ANO3: variants seen among roughly 807,000 people sequenced by gnomAD.
ANO3 encodes the protein anoctamin 3, also known as anoctamin-3.
Under a neutral mutation model 144.8 loss-of-function variants are expected in ANO3, and 99 were observed. The ratio of observed to expected loss-of-function variants is 0.68; its 90% CI spans 0.58 to 0.81. The LOEUF (loss-of-function observed/expected upper bound fraction) is 0.81. ANO3 is among the 30% of genes least tolerant of loss of function. The pLI, the probability that ANO3 is intolerant of heterozygous loss-of-function variation, is 0.00. For synonymous variants in ANO3, 414 were observed against 392.6 expected (o/e 1.05, Z -0.64); for missense variants, 905 against 1,202.2 (o/e 0.75, Z 3.66).
At chr11:26,473,881 A>C in intron 4 of ANO3, 1 of 951,056 alleles carries the variant, frequency 1.1e-6, no homozygotes, top group Non-Finnish European at 1.3e-6. Flanking sequence ...TCTTATAAAG[A>C]GATGAGTTAT....
chr11:26,267,589 A>C (rs1344666673), intron 1 of ANO3, among the ~76,000 whole-genome samples: 1 of 152,208 alleles, frequency 6.6e-6, no homozygotes, highest in Non-Finnish European at 1.5e-5. Flanking sequence ...CTATCAGCTA[A>C]GAGAGTGTGA....
chr11:26,337,370 C>G (rs1855221113), intron 1 of ANO3, among the ~76,000 whole-genome samples: 1 of 152,156 alleles, frequency 6.6e-6, no homozygotes, highest in Non-Finnish European at 1.5e-5. Flanking sequence ...AAAATGAATT[C>G]TATCTGAAGT....
chr11:26,293,533 GTATATATA>G (rs59115569), intron 1 of ANO3, among the ~76,000 whole-genome samples: 2 of 25,952 alleles, frequency 7.7e-5, no homozygotes, highest in African/African-American at 2.7e-4. Context: ...TAAATTCCAT[GTATATATA>G]TATATATATA....
At chr11:26,213,502 A>G (rs1426071575) in intron 1 of ANO3, among the ~76,000 whole-genome samples, 2 of 152,208 alleles carry the variant, frequency 1.3e-5, no homozygotes, top group Non-Finnish European at 2.9e-5. Flanking sequence ...ACAGAGAGCC[A>G]AATCACAAGT....
chr11:26,607,272 C>T (rs1349014622), intron 17 of ANO3, among the ~76,000 whole-genome samples: 2 of 152,138 alleles, frequency 1.3e-5, no homozygotes, highest in East Asian at 3.9e-4. Context: ...TCATTTCGAC[C>T]TTGGAGAATC....
chr11:26,614,674 G>C (rs1852197559), intron 17 of ANO3, among the ~76,000 whole-genome samples: 1 of 152,188 alleles, frequency 6.6e-6, no homozygotes, highest in Non-Finnish European at 1.5e-5. Context: ...GATTGCTGGT[G>C]TTTGTGGTTG....
In ANO3 at chr11:26,508,279, T is replaced by A; in HGVS notation, c.591+17T>A. The A allele has an allele frequency of 1.3e-6, 2 of 1,568,340 alleles. No homozygotes were observed. The highest frequency in any genetic ancestry group is 2.4e-5 in the South Asian group (2 of 82,456). The stretch of plus-strand genomic sequence containing the variant: ...GAGAAGGAGGTAGGTGCTTTACTAT[T>A]ATTAGTTATGTGATAAAATGTGTTG... On this transcript the variant is annotated intron_variant, in intron 5 of 26. Coordinates refer to ENST00000256737, the MANE Select transcript of ANO3 (RefSeq NM_031418.4).
At position 26,434,250 on chromosome 11, in the gene ANO3, G is replaced by A. The variant is rs143538739; in HGVS notation, c.47-7668G>A. Among the ~76,000 whole-genome samples the A allele has an allele frequency of 1.3e-3, 197 of 152,132 alleles. 2 individuals carry two copies. Among genetic ancestry groups the A allele is most frequent in the African/African-American group, 4.0e-3 (167 of 41,506 alleles). On this transcript the variant is annotated intron_variant, in intron 1 of 26. Coordinates refer to ENST00000256737, the MANE Select transcript of ANO3 (RefSeq NM_031418.4). ...CTCTCTGATGGTTACTTTTATTCCT[G>A]TGGGGTCGGTATTTCTGTGTAACAT...
chr11:26,476,924 TGTGTGTGTGA>T (rs1297951968), intron 4 of ANO3, among the ~76,000 whole-genome samples: 5 of 145,932 alleles, frequency 3.4e-5, no homozygotes, highest in East Asian at 4.0e-4. Context: ...TGTGTGTGTG[TGTGTGTGTGA>T]GAGAGAGAGA....
In ANO3 at chr11:26,463,086, T is replaced by C. The variant is rs1308670902; in HGVS notation, c.370T>C (p.Ser124Pro). 3 of 1,598,364 alleles carry C rather than the reference T, an allele frequency of 1.9e-6. No homozygotes were observed. Among genetic ancestry groups the C allele is most frequent in the Non-Finnish European group, 2.6e-6 (3 of 1,172,306 alleles). The part of the protein sequence containing the change: ...DESEHATYDR[S>P]RLINDFVIKD... ...ATCAGAACACGCTACTTATGACCGA[T>C]CTCGTCTCATTAATGACTTTGTTAT... is the stretch of plus-strand genomic sequence containing the variant. Residue 124 changes from serine (S) to proline (P), a missense_variant, in exon 4 of 27, where the codon TCT becomes CCT. Coordinates refer to ENST00000256737, the MANE Select transcript of ANO3 (RefSeq NM_031418.4).
chr11:26,318,335 G>C (rs1854676762), intron 1 of ANO3, among the ~76,000 whole-genome samples: 2 of 152,080 alleles, frequency 1.3e-5, no homozygotes, highest in Non-Finnish European at 2.9e-5. Context: ...ATGTACTCAG[G>C]CACATTCCAT....
chr11:26,294,287 G>A (rs1487997377), intron 1 of ANO3, among the ~76,000 whole-genome samples: 1 of 152,106 alleles, frequency 6.6e-6, no homozygotes, highest in South Asian at 2.1e-4. Flanking sequence ...AGCTATTCTG[G>A]AGCCTCTGTG....
intron 4 of ANO3, among the ~76,000 whole-genome samples, chr11:26,465,151 TGTGTG>T (rs1859554465): frequency 1.2e-4 from 18 of 148,974 alleles, no homozygotes; most frequent in South Asian, 2.1e-4. Flanking sequence ...TGTGTGTGTG[TGTGTG>T]TGTGTCTGTG....
chr11:26,240,787 G>T (rs1014308713), intron 1 of ANO3, among the ~76,000 whole-genome samples: 1 of 152,114 alleles, frequency 6.6e-6, no homozygotes, highest in Non-Finnish European at 1.5e-5. Context: ...CTACTGCCAT[G>T]TTATGGAAAC....
intron 4 of ANO3, among the ~76,000 whole-genome samples, chr11:26,463,454 G>T (rs556465542): frequency 3.2e-4 from 48 of 151,816 alleles, no homozygotes; most frequent in South Asian, 6.2e-4. Flanking sequence ...TGAGAACATG[G>T]ATTTTAGTAT....
At chr11:26,373,243 C>T (rs1410878731) in intron 1 of ANO3, among the ~76,000 whole-genome samples, 2 of 152,150 alleles carry the variant, frequency 1.3e-5, no homozygotes, top group Non-Finnish European at 2.9e-5. Context: ...TCCCTATAAT[C>T]CCTACATGTC....
chr11:26,506,994 T>A (rs138673961), intron 4 of ANO3, among the ~76,000 whole-genome samples: 1 of 152,282 alleles, frequency 6.6e-6, no homozygotes, highest in Non-Finnish European at 1.5e-5. Flanking sequence ...AATGCCTGTA[T>A]AGGAAATATG....
At chr11:26,424,454 G>A (rs1340785283) in intron 1 of ANO3, among the ~76,000 whole-genome samples, 2 of 151,950 alleles carry the variant, frequency 1.3e-5, no homozygotes, top group African/African-American at 2.4e-5. Context: ...GTAAATGTCT[G>A]ACTCTGTTTT....
intron 18 of ANO3, among the ~76,000 whole-genome samples, chr11:26,627,762 A>G (rs537950301): frequency 6.6e-6 from 1 of 151,874 alleles, no homozygotes; most frequent in African/African-American, 2.4e-5. Context: ...TAATGGCTAT[A>G]TTAGTTTAAA....
Sources: gnomAD v4.1 joint callset for allele counts (sites outside exome capture counted in the v4.1 genomes callset) on GRCh38, gnomAD v4.1.1 for gene constraint, MANE v1.5 for transcripts, NCBI Gene and HGNC (gene_info 2026-07-23, HGNC 2026-07-21) for gene names.